The following AKR1C3 variants were observed in gnomAD, a reference collection of about 807,000 sequenced individuals.
AKR1C3 encodes the protein aldo-keto reductase family 1 member C3, also known as 3-alpha hydroxysteroid dehydrogenase, type II.
In AKR1C3, 48 loss-of-function variants were observed where a neutral mutation model predicts 43.6. That is an observed-to-expected ratio of 1.10 (90% CI 0.87 to 1.40). The LOEUF (loss-of-function observed/expected upper bound fraction) is 1.40, where lower values mean the gene tolerates loss of function less well. Ranked by LOEUF, AKR1C3 falls within the 40% of genes most tolerant of loss-of-function variation. The pLI, the probability that AKR1C3 is intolerant of heterozygous loss-of-function variation, is 0.00. For missense variants in AKR1C3, 482 were observed against 391.2 expected (o/e 1.23, Z -1.96); for synonymous variants, 162 against 139.6 (o/e 1.16, Z -1.13).
chr10:5,048,892 A>C, exon 1 of AKR1C3: 5 of 1,613,078 alleles, frequency 3.1e-6, no homozygotes, highest in Admixed American at 1.7e-5. Context: ...ATGCACCTCC[A>C]GAGGTAATAA....
intron 5 of AKR1C3, 37 bp downstream of exon 5, chr10:5,099,486 A>C: frequency 6.2e-7 from 1 of 1,613,814 alleles, no homozygotes; most frequent in Non-Finnish European, 8.5e-7. Context: ...TCGGTTCTTC[A>C]TGCCCCCTCT....
At chr10:5,102,234 A>C (rs1554786160) in intron 6 of AKR1C3, 24 bp downstream of exon 6, 1 of 1,599,720 alleles carries the variant, frequency 6.3e-7, no homozygotes, top group Non-Finnish European at 8.6e-7. Flanking sequence ...TGGGACCTTT[A>C]CATAAACCTT....
At position 5,102,100 on chromosome 10, in the gene AKR1C3, G is replaced by T. The variant is rs782559899; in HGVS notation, c.571-1G>T. On this transcript the variant is annotated splice_acceptor_variant, in intron 5 of 8. Transcript: ENST00000380554. LOFTEE classifies it high-confidence loss of function. ...TGCTTCTCTCTTTTGGTCAACTGCAGGTAGAATGTCATCCGTATTTCAACC... is the reference window on the plus strand; with the variant it reads ...TGCTTCTCTCTTTTGGTCAACTGCATGTAGAATGTCATCCGTATTTCAACC... The T allele has an allele frequency of 6.2e-7, 1 of 1,602,580 alleles. No individual in the cohort carries two copies. The highest frequency in any genetic ancestry group is 8.5e-7 in the Non-Finnish European group (1 of 1,170,224).
At chr10:5,058,497 G>T (rs782261484) in intron 1 of AKR1C3, among the ~76,000 whole-genome samples, 2 of 152,168 alleles carry the variant, frequency 1.3e-5, no homozygotes, top group Admixed American at 6.5e-5. Context: ...GGGTGAGCCT[G>T]TTGATGCCTG....
chr10:5,055,334 G>T (rs1228809722), intron 1 of AKR1C3, among the ~76,000 whole-genome samples: 3 of 152,220 alleles, frequency 2.0e-5, no homozygotes, highest in Non-Finnish European at 4.4e-5. Flanking sequence ...CCCATCCTCT[G>T]GGAAAAAGTG....
intron 7 of AKR1C3, 195 bp from the exon 8 acceptor site, chr10:5,105,400 A>G: frequency 2.1e-6 from 1 of 481,336 alleles, no homozygotes; most frequent in Non-Finnish European, 3.7e-6. Flanking sequence ...GTTTCAATAC[A>G]TAATATCTAG....
chr10:5,104,054 C>G (rs1414105860), intron 7 of AKR1C3, among the ~76,000 whole-genome samples: 1 of 152,040 alleles, frequency 6.6e-6, no homozygotes, highest in Non-Finnish European at 1.5e-5. Flanking sequence ...TACCACCTCC[C>G]AAATTGCATA....
At chr10:5,096,330 T>C in intron 1 of AKR1C3, 80 bp from the exon 2 acceptor site, 1 of 1,503,742 alleles carries the variant, frequency 6.7e-7, no homozygotes, top group East Asian at 2.3e-5. Flanking sequence ...AGCTGATTCT[T>C]GTATAAAAGT....
intron 1 of AKR1C3, chr10:5,078,017 G>T (rs1315932741): frequency 3.0e-6 from 2 of 676,774 alleles, no homozygotes; most frequent in East Asian, 5.6e-5. Context: ...CATTGTCAGT[G>T]AGCTGAAAAT....
chr10:5,096,625 G>T (rs1454157911), intron 2 of AKR1C3, 48 bp downstream of exon 2: 3 of 1,560,482 alleles, frequency 1.9e-6, no homozygotes, highest in Non-Finnish European at 2.6e-6. Context: ...TATTGTGATT[G>T]TGTGGAGATG....
chr10:5,073,940 A>C (rs1203375936), intron 1 of AKR1C3, among the ~76,000 whole-genome samples: 1 of 152,050 alleles, frequency 6.6e-6, no homozygotes, highest in African/African-American at 2.4e-5. Context: ...CTAAAGAAAA[A>C]AGTCAAGCTG....
intron 1 of AKR1C3, among the ~76,000 whole-genome samples, chr10:5,059,661 G>A (rs1017622565): frequency 1.6e-4 from 24 of 152,112 alleles, no homozygotes; most frequent in Admixed American, 7.2e-4. Flanking sequence ...ACAGGTGCCC[G>A]GTATTTAGCC....
At chr10:5,083,581 G>A (rs1838885688) in intron 1 of AKR1C3, among the ~76,000 whole-genome samples, 1 of 152,238 alleles carries the variant, frequency 6.6e-6, no homozygotes, top group East Asian at 1.9e-4. Flanking sequence ...ATAATCCTTT[G>A]GGTATATACC....
intron 1 of AKR1C3, among the ~76,000 whole-genome samples, chr10:5,084,205 C>T (rs1838906315): frequency 6.6e-6 from 1 of 151,980 alleles, no homozygotes. Context: ...GTTTTTATGG[C>T]TTTAGGTCTA....
At chr10:5,058,223 A>G (rs1838304166) in intron 1 of AKR1C3, among the ~76,000 whole-genome samples, 1 of 152,096 alleles carries the variant, frequency 6.6e-6, no homozygotes, top group Admixed American at 6.5e-5. Flanking sequence ...GTGGGATGTA[A>G]ATTGTAAGCT....
chr10:5,050,616 A>G (rs1405748686), intron 1 of AKR1C3, among the ~76,000 whole-genome samples: 2 of 152,260 alleles, frequency 1.3e-5, no homozygotes, highest in Non-Finnish European at 2.9e-5. Context: ...TTTTATTAAT[A>G]TAGAGGAAAA....
intron 1 of AKR1C3, among the ~76,000 whole-genome samples, chr10:5,066,649 C>T (rs1838509569): frequency 6.6e-6 from 1 of 152,102 alleles, no homozygotes; most frequent in Non-Finnish European, 1.5e-5. Context: ...ATAAGCCAAA[C>T]CTCCTAAAAT....
intron 1 of AKR1C3, among the ~76,000 whole-genome samples, chr10:5,053,712 A>C (rs782113319): frequency 6.6e-6 from 1 of 152,234 alleles, no homozygotes; most frequent in Admixed American, 6.5e-5. Context: ...AATTTGGCCA[A>C]TGACTGCTCT....
intron 1 of AKR1C3, among the ~76,000 whole-genome samples, chr10:5,075,139 T>G (rs1838687002): frequency 6.6e-6 from 1 of 152,086 alleles, no homozygotes; most frequent in African/African-American, 2.4e-5. Context: ...TCCTCTTTTC[T>G]CCCTCCCATA....
Sources: gnomAD v4.1 joint callset for allele counts (sites outside exome capture counted in the v4.1 genomes callset) on GRCh38, gnomAD v4.1.1 for gene constraint, MANE v1.5 for transcripts, NCBI Gene and HGNC (gene_info 2026-07-23, HGNC 2026-07-21) for gene names.